ABL2: variants seen among roughly 807,000 people sequenced by gnomAD.
ABL2 encodes ABL proto-oncogene 2, non-receptor tyrosine kinase, also known as tyrosine-protein kinase ABL2.
Under a neutral mutation model 107.7 loss-of-function variants are expected in ABL2, and 49 were observed. The ratio of observed to expected loss-of-function variants is 0.45; its 90% confidence interval spans 0.36 to 0.58. The LOEUF is 0.58. Ranked by LOEUF, ABL2 falls within the 20% of genes least tolerant of loss-of-function variation. The pLI, the probability that ABL2 is intolerant of heterozygous loss-of-function variation, is 0.00. For missense variants in ABL2, 1,245 were observed against 1,457.0 expected (o/e 0.85, Z 2.37); for synonymous variants, 549 against 548.6 (o/e 1.00, Z -0.01).
At chr1:179,182,283 A>G (rs1660423569) in intron 1 of ABL2, among the ~76,000 whole-genome samples, 1 of 152,106 alleles carries the variant, frequency 6.6e-6, no homozygotes, top group African/African-American at 2.4e-5. Context: ...AGGTGGCTGG[A>G]GAAAAAAAAG....
intron 1 of ABL2, among the ~76,000 whole-genome samples, chr1:179,164,900 T>C (rs1182297442): frequency 2.0e-5 from 3 of 152,236 alleles, no homozygotes; most frequent in African/African-American, 7.2e-5. Flanking sequence ...ATATATACTA[T>C]GCTTTTTTCC....
intron 1 of ABL2, among the ~76,000 whole-genome samples, chr1:179,191,289 G>A (rs1268998466): frequency 6.6e-6 from 1 of 151,956 alleles, no homozygotes. Flanking sequence ...CAGCTATAAG[G>A]TAATAGATGA....
intron 1 of ABL2, among the ~76,000 whole-genome samples, chr1:179,137,536 TC>T (rs1657151947): frequency 1.3e-5 from 2 of 152,138 alleles, no homozygotes; most frequent in South Asian, 4.1e-4. Flanking sequence ...CAGGAAAAGT[TC>T]CCCTTGTTTG....
rs922809372 is a variant in ABL2, at chr1:179,106,090, G to A, written c.*1628C>T. 9.2e-6 allele frequency: 2 copies of A among 217,164 alleles called. No homozygotes were observed. Among genetic ancestry groups the A allele is most frequent in the African/African-American group, 4.5e-5 (2 of 44,438 alleles). 13.5% of individuals were successfully genotyped at this position (217,164 alleles called of 1,614,324 possible). A position where few individuals can be genotyped will look rare whatever the true frequency, so the allele number is the denominator to read the frequency against. ...CAATGTTGAATTCCTATCTTCCTAA[G>A]CTAATATTCCTTTGAGAGAATAAAA... On this transcript the variant is annotated 3_prime_UTR_variant, in exon 12 of 12. Coordinates refer to ENST00000502732, the MANE Select transcript of ABL2 (RefSeq NM_007314.4).
chr1:179,229,352 G>C lies in ABL2; in HGVS notation c.46C>G (p.Gln16Glu), dbSNP rs1428804229. 6.3e-7 allele frequency: 1 copy of C among 1,582,214 alleles called. No homozygotes were observed. Among genetic ancestry groups the C allele is most frequent in the Non-Finnish European group, 8.6e-7 (1 of 1,168,026 alleles). ...CCCCGGATCCCGCGGGGCTGAGGCT[G>C]CTGGAGCCCCGGAGCTTCCCCGACG... ...GRVGEAPGLQQPQPRGIRGSS... is the reference protein window; with the variant it reads ...GRVGEAPGLQEPQPRGIRGSS... The change falls in exon 1 of 12, where the codon CAG (glutamine) becomes GAG (glutamate). Residue 16 changes from glutamine to glutamate, a missense_variant. Gln to Glu is a conservative substitution (Grantham distance 29). Coordinates refer to ENST00000502732, the MANE Select transcript of ABL2 (RefSeq NM_007314.4).
At chr1:179,163,526 C>G (rs1659203477) in intron 1 of ABL2, among the ~76,000 whole-genome samples, 1 of 152,158 alleles carries the variant, frequency 6.6e-6, no homozygotes, top group African/African-American at 2.4e-5. Context: ...GCGGGTGGAT[C>G]ACTTGCGGTC....
In ABL2 at chr1:179,229,327, C is replaced by T; in HGVS notation, c.71G>A (p.Gly24Asp). The change falls in exon 1 of 12, where the codon GGC (glycine) becomes GAC (aspartate). Residue 24 changes from glycine (G) to aspartate (D), a missense_variant. Physicochemically the swap from Gly to Asp is moderately conservative, Grantham distance 94 (BLOSUM62 -1). Transcript: ENST00000502732. ...LQQPQPRGIR[G>D]SSAARPSGRR... ...GCCGGAGGGCCTGGCTGCACTGCTG[C>T]CCCGGATCCCGCGGGGCTGAGGCTG... 1 of 1,584,712 alleles carries T rather than the reference C, an allele frequency of 6.3e-7. No homozygotes were observed. Among genetic ancestry groups the T allele is most frequent in the South Asian group, 1.1e-5 (1 of 87,830 alleles).
At position 179,106,539 on chromosome 1, in the gene ABL2, G is replaced by A. The variant is rs916460354; in HGVS notation, c.*1179C>T. ...AAGAAAAGCATGTGAGAATAATGTG[G>A]GGGTGATTCACTTCAAATCCATAGA... On this transcript the variant is annotated 3_prime_UTR_variant, in exon 12 of 12. Transcript: ENST00000502732. 5.6e-5 allele frequency: 13 copies of A among 233,088 alleles called. No homozygotes were observed. The highest frequency in any genetic ancestry group is 1.1e-4 in the Non-Finnish European group (13 of 117,978). 14.4% of individuals were successfully genotyped at this position (233,088 alleles called of 1,614,324 possible). A position where few individuals can be genotyped will look rare whatever the true frequency, so the allele number is the denominator to read the frequency against.
At chr1:179,127,056 G>A (rs1463539741) in intron 3 of ABL2, among the ~76,000 whole-genome samples, 2 of 152,104 alleles carry the variant, frequency 1.3e-5, no homozygotes, top group Non-Finnish European at 2.9e-5. Flanking sequence ...AGTTTATCAA[G>A]GAATGTATCT....
Position 179,103,492 on chromosome 1 carries a change from A to G in ABL2, c.*4226T>C, listed in dbSNP as rs550088965. 4.8e-5 allele frequency: 10 copies of G among 208,772 alleles called. No homozygotes were observed. The Admixed American group carries it at 5.9e-4, about 12-fold the overall frequency. The allele number at this position is 208,772 out of a possible 1,614,324, so 12.9% of individuals were successfully genotyped here. ...ATAAAGTTTTTTTAAAGAAAAGGGAATGTAGGACTAACTAGGTTTTTTAAA... is the reference window on the plus strand; with the variant it reads ...ATAAAGTTTTTTTAAAGAAAAGGGAGTGTAGGACTAACTAGGTTTTTTAAA... On this transcript the variant is annotated 3_prime_UTR_variant, in exon 12 of 12. Coordinates refer to ENST00000502732, the MANE Select transcript of ABL2 (RefSeq NM_007314.4).
At chr1:179,131,742 C>G (rs563402890) in intron 2 of ABL2, among the ~76,000 whole-genome samples, 2 of 152,146 alleles carry the variant, frequency 1.3e-5, no homozygotes, top group African/African-American at 4.8e-5. Flanking sequence ...TATGCACTCA[C>G]CAAAATCAGA....
At chr1:179,176,744 G>A (rs1341324265) in intron 1 of ABL2, among the ~76,000 whole-genome samples, 1 of 123,452 alleles carries the variant, frequency 8.1e-6, no homozygotes, top group Admixed American at 1.0e-4. Context: ...CACCCAGGCT[G>A]GAGGGCAGAG....
At position 179,225,646 on chromosome 1, in the gene ABL2, G is replaced by A. The variant is rs537817827; in HGVS notation, c.157+3595C>T. ...AAAGAAGGTGCTACTGGCATCTAGT[G>A]GGTAGAGTCCAGGGATGCTGCTAAA... On this transcript the variant is annotated intron_variant, in intron 1 of 11. Transcript: ENST00000502732. Among the ~76,000 whole-genome samples the A allele has an allele frequency of 1.7e-3, 261 of 152,242 alleles. 2 individuals are homozygous for A. Among genetic ancestry groups the A allele is most frequent in the Non-Finnish European group, 3.1e-3 (214 of 68,028 alleles).
chr1:179,126,247 A>G lies in ABL2; in HGVS notation c.687+130T>C. The stretch of plus-strand genomic sequence containing the variant: ...CAAGCTCTAACATGCCAAAAAGCCC[A>G]AACTCACAAAGCTAGTGAATATTTT... On this transcript the variant is annotated intron_variant, in intron 4 of 11. Transcript: ENST00000502732. This position sits in a 1 kb window ranked among gnomAD's most constrained non-coding sequence, Gnocchi z 4.4. The G allele has an allele frequency of 8.7e-7, 1 of 1,144,144 alleles. No homozygotes were observed. The highest frequency in any genetic ancestry group is 1.6e-5 in the African/African-American group (1 of 64,228). The allele number at this position is 1,144,144 out of a possible 1,614,324, so 70.9% of individuals were successfully genotyped here.
intron 1 of ABL2, among the ~76,000 whole-genome samples, chr1:179,171,803 G>A (rs1249981995): frequency 1.3e-5 from 2 of 152,168 alleles, no homozygotes; most frequent in African/African-American, 4.8e-5. Context: ...GAGCCACCAT[G>A]ACTAGCCTGA....
Position 179,108,432 on chromosome 1 carries a change from G to A in ABL2, c.2835C>T (p.Asp945=), listed in dbSNP as rs762195940. 17 of 1,614,098 alleles carry A rather than the reference G, an allele frequency of 1.1e-5. No individual in the cohort carries two copies. The highest frequency in any genetic ancestry group is 1.6e-4 in the Middle Eastern group (1 of 6,084). The change falls in exon 12 of 12, where the codon GAC becomes GAT. Residue 945 remains aspartate (D), a synonymous_variant. Transcript: ENST00000502732. ...GAGAGTCTGTGCCAATGAGCTGCAC[G>A]TCAGCTGGAGTGTGTTTCAGAGTGG... is the stretch of plus-strand genomic sequence containing the variant. ...ISPTLKHTPA[D]VQLIGTDSQG... is the part of the protein sequence containing the mutation.
intron 1 of ABL2, chr1:179,201,616 C>G (rs1346604182): frequency 1.6e-5 from 7 of 426,426 alleles, no homozygotes; most frequent in Non-Finnish European, 1.3e-5. Flanking sequence ...CCTTCCTTGG[C>G]TGCCTACATG....
intron 1 of ABL2, among the ~76,000 whole-genome samples, chr1:179,141,615 C>T (rs975348240): frequency 1.3e-5 from 2 of 152,182 alleles, no homozygotes; most frequent in Non-Finnish European, 2.9e-5. Flanking sequence ...AGAAAACAAT[C>T]CTTCTTATTC....
At chr1:179,130,936 A>ATT (rs11382795) in intron 3 of ABL2, among the ~76,000 whole-genome samples, 125 of 142,624 alleles carry the variant, frequency 8.8e-4, no homozygotes, top group Admixed American at 1.1e-3. Flanking sequence ...TTTCAGGATA[A>ATT]TTTTTTTTTT....
Sources: gnomAD v4.1 joint callset for allele counts (sites outside exome capture counted in the v4.1 genomes callset) on GRCh38, gnomAD v4.1.1 for gene constraint, Gnocchi (gnomAD v3.1) non-coding constraint, MANE v1.5 for transcripts, NCBI Gene and HGNC (gene_info 2026-07-23, HGNC 2026-07-21) for gene names.